Variants in LDB2 observed in about 807,000 individuals in gnomAD.
The protein encoded by LDB2 is LIM domain binding 2.
A neutral mutation model predicts 44.3 loss-of-function variants in LDB2; 12 were observed. The ratio of observed to expected loss-of-function variants is 0.27; its 90% CI spans 0.17 to 0.44. The LOEUF (loss-of-function observed/expected upper bound fraction) is 0.44. Among genes scored for constraint, LDB2 ranks in the 20% least tolerant of loss-of-function variants. LDB2 has a pLI of 1.00. For synonymous variants in LDB2, 164 were observed against 174.8 expected (o/e 0.94, Z 0.49); for missense variants, 344 against 473.5 (o/e 0.73, Z 2.54).
intron 1 of LDB2, among the ~76,000 whole-genome samples, chr4:16,772,199 A>G (rs1200640062): frequency 1.3e-5 from 2 of 152,150 alleles, no homozygotes; most frequent in African/African-American, 2.4e-5. Context: ...GGGTCATCCA[A>G]TCTACAGAAG....
intron 2 of LDB2, among the ~76,000 whole-genome samples, chr4:16,690,162 G>A (rs1469311417): frequency 2.0e-5 from 3 of 152,130 alleles, no homozygotes; most frequent in Non-Finnish European, 4.4e-5. Context: ...TTATCACAAG[G>A]GTGTGTGGTA....
At chr4:16,722,850 A>G (rs576900187) in intron 2 of LDB2, among the ~76,000 whole-genome samples, 16 of 152,308 alleles carry the variant, frequency 1.1e-4, no homozygotes, top group Non-Finnish European at 1.2e-4. Flanking sequence ...AAGAAGGCCC[A>G]GACAGTCCTC....
At chr4:16,659,671 GTA>G (rs58539901) in intron 2 of LDB2, among the ~76,000 whole-genome samples, 1,490 of 133,472 alleles carry the variant, frequency 0.011, 34 homozygotes, top group South Asian at 0.053. Flanking sequence ...ATCTATGTGT[GTA>G]TATATATATA....
At chr4:16,817,462 G>C (rs1781159973) in intron 1 of LDB2, among the ~76,000 whole-genome samples, 1 of 152,056 alleles carries the variant, frequency 6.6e-6, no homozygotes, top group East Asian at 1.9e-4. Flanking sequence ...AGCCCCATGG[G>C]GATATTCATT....
chr4:16,707,613 G>C (rs1442690662), intron 2 of LDB2, among the ~76,000 whole-genome samples: 1 of 151,676 alleles, frequency 6.6e-6, no homozygotes, highest in Non-Finnish European at 1.5e-5. Context: ...AATATACCAT[G>C]ATTAGCATAA....
chr4:16,805,797 C>A (rs1324716466), intron 1 of LDB2, among the ~76,000 whole-genome samples: 2 of 152,174 alleles, frequency 1.3e-5, no homozygotes, highest in African/African-American at 4.8e-5. Flanking sequence ...CAGGTGGAGC[C>A]TATTGCCTGA....
rs368326816 is a variant in LDB2, at chr4:16,649,028, A to G, written c.236-53153T>C. Among the ~76,000 whole-genome samples the G allele has an allele frequency of 5.3e-5, 8 of 152,330 alleles. No homozygotes were observed. The East Asian group carries it at 1.2e-3, about 22-fold the overall frequency. On this transcript the variant is annotated intron_variant, in intron 2 of 7. Transcript: ENST00000304523. ...TTTAAAAATGTATGATCCCTTAGAA[A>G]ACTACTTTCTTATGTAGTAAAGAAA...
At chr4:16,850,704 G>C (rs1788047629) in intron 1 of LDB2, among the ~76,000 whole-genome samples, 1 of 152,184 alleles carries the variant, frequency 6.6e-6, no homozygotes, top group Non-Finnish European at 1.5e-5. Context: ...AGGAGAGAGA[G>C]GGCAGATCAA....
chr4:16,541,248 A>G (rs1419451800), intron 5 of LDB2, among the ~76,000 whole-genome samples: 1 of 152,096 alleles, frequency 6.6e-6, no homozygotes, highest in African/African-American at 2.4e-5. Context: ...AGTGCCATCC[A>G]CTTGGTGCTG....
At chr4:16,714,985 C>T (rs1030211050) in intron 2 of LDB2, among the ~76,000 whole-genome samples, 3 of 152,134 alleles carry the variant, frequency 2.0e-5, no homozygotes, top group Non-Finnish European at 4.4e-5. Context: ...TGGGTTAGGA[C>T]TGGGGTATAT....
intron 5 of LDB2, among the ~76,000 whole-genome samples, chr4:16,556,392 C>T (rs1461902881): frequency 6.6e-6 from 1 of 152,152 alleles, no homozygotes; most frequent in East Asian, 1.9e-4. Flanking sequence ...TTGGTGAGAG[C>T]AAGCAATACA....
chr4:16,550,984 A>G (rs1358385531), intron 5 of LDB2, among the ~76,000 whole-genome samples: 1 of 152,246 alleles, frequency 6.6e-6, no homozygotes, highest in African/African-American at 2.4e-5. Flanking sequence ...ACTGCTGAAG[A>G]AAAGACGAAA....
In LDB2 at chr4:16,621,461, C is replaced by T. The variant is rs79351648; in HGVS notation, c.236-25586G>A. Among the ~76,000 whole-genome samples, 700 of 152,304 alleles carry T rather than the reference C, an allele frequency of 4.6e-3. 13 individuals are homozygous for T. Among genetic ancestry groups the T allele is most frequent in the East Asian group, 0.043 (221 of 5,176 alleles). On this transcript the variant is annotated intron_variant, in intron 2 of 7. Coordinates refer to ENST00000304523, the MANE Select transcript of LDB2 (RefSeq NM_001290.5). ...TCGAGAAGATAAAAATTGCCTCCACCTCACGTGATCATAAAGGCAAGTTAG... is the reference window on the plus strand; with the variant it reads ...TCGAGAAGATAAAAATTGCCTCCACTTCACGTGATCATAAAGGCAAGTTAG...
At chr4:16,704,856 G>C (rs774555374) in intron 2 of LDB2, among the ~76,000 whole-genome samples, 15 of 152,190 alleles carry the variant, frequency 9.9e-5, no homozygotes, top group Non-Finnish European at 1.9e-4. Flanking sequence ...CAGCAGTGAA[G>C]GAGGCAGGTA....
intron 2 of LDB2, among the ~76,000 whole-genome samples, chr4:16,611,553 A>G (rs965641760): frequency 6.8e-6 from 1 of 146,218 alleles, no homozygotes; most frequent in Admixed American, 6.8e-5. Context: ...AAAAAAAAGC[A>G]GGGATTGCAA....
At chr4:16,687,195 T>C (rs1451262631) in intron 2 of LDB2, among the ~76,000 whole-genome samples, 1 of 152,226 alleles carries the variant, frequency 6.6e-6, no homozygotes, top group Non-Finnish European at 1.5e-5. Context: ...GACATGTTTA[T>C]GTTTTCTGCA....
chr4:16,581,504 C>T (rs1265598515), intron 5 of LDB2: 19 of 851,292 alleles, frequency 2.2e-5, no homozygotes, highest in Non-Finnish European at 2.5e-5. Flanking sequence ...TTTGTTGGTA[C>T]CTAAAACAAA....
intron 1 of LDB2, among the ~76,000 whole-genome samples, chr4:16,887,011 C>A (rs976100673): frequency 2.2e-4 from 25 of 113,536 alleles, no homozygotes; most frequent in African/African-American, 9.0e-4. Context: ...CCAGCCTGGG[C>A]GACAGAGCGA....
At chr4:16,749,577 A>AAT (rs1561091690) in intron 2 of LDB2, among the ~76,000 whole-genome samples, 33 of 138,450 alleles carry the variant, frequency 2.4e-4, no homozygotes, top group East Asian at 1.1e-3. Context: ...AAAAAATAAA[A>AAT]AAATAAAAAA....
Sources: gnomAD v4.1 joint callset for allele counts (sites outside exome capture counted in the v4.1 genomes callset) on GRCh38, gnomAD v4.1.1 for gene constraint, MANE v1.5 for transcripts, NCBI Gene and HGNC (gene_info 2026-07-23, HGNC 2026-07-21) for gene names.